Variants in GRM8 observed in about 807,000 individuals in gnomAD.
GRM8 encodes glutamate metabotropic receptor 8.
A neutral mutation model predicts 87.2 loss-of-function variants in GRM8; 47 were observed. The observed-to-expected ratio is 0.54, with a 90% CI of 0.43 to 0.69. GRM8 has a LOEUF of 0.69. GRM8 is among the 30% of genes least tolerant of loss of function. The pLI is 0.00. For synonymous variants in GRM8, 396 were observed against 404.5 expected, an observed-to-expected ratio of 0.98 and a Z score of 0.25; for missense variants, 1,019 against 1,139.2, an observed-to-expected ratio of 0.89 and a Z score of 1.52.
At chr7:126,715,462 GAACTTT>G (rs1241900000) in intron 7 of GRM8, among the ~76,000 whole-genome samples, 1 of 152,106 alleles carries the variant, frequency 6.6e-6, no homozygotes, top group East Asian at 1.9e-4. Flanking sequence ...AAGTTTTGAT[GAACTTT>G]AACTTTTATA....
At chr7:127,186,541 A>T (rs907327950) in intron 2 of GRM8, among the ~76,000 whole-genome samples, 1 of 152,098 alleles carries the variant, frequency 6.6e-6, no homozygotes, top group African/African-American at 2.4e-5. Flanking sequence ...CCAAGTTCCT[A>T]GCAGATAGCC....
At chr7:126,624,043 C>A (rs776197033) in intron 7 of GRM8, among the ~76,000 whole-genome samples, 4 of 152,198 alleles carry the variant, frequency 2.6e-5, no homozygotes, top group Non-Finnish European at 2.9e-5. Flanking sequence ...CTTGCATTAA[C>A]CTTGTCTTGG....
chr7:126,439,984 T>A (rs931147497), intron 10 of GRM8, among the ~76,000 whole-genome samples: 39 of 152,178 alleles, frequency 2.6e-4, no homozygotes, highest in Non-Finnish European at 4.1e-4. Context: ...TGTTTTAAGT[T>A]TTTATTACAA....
At chr7:126,474,266 G>GTATA (rs879780977) in intron 9 of GRM8, among the ~76,000 whole-genome samples, 3 of 149,152 alleles carry the variant, frequency 2.0e-5, no homozygotes, top group African/African-American at 7.3e-5. Flanking sequence ...GTGTGTGTGT[G>GTATA]TGTATATATA....
At chr7:126,755,090 G>A (rs188490831) in intron 7 of GRM8, among the ~76,000 whole-genome samples, 13 of 152,006 alleles carry the variant, frequency 8.6e-5, no homozygotes, top group African/African-American at 2.2e-4. Flanking sequence ...CACATAACCC[G>A]TAAAGGTATA....
intron 3 of GRM8, among the ~76,000 whole-genome samples, chr7:127,006,824 T>C (rs1397801485): frequency 6.6e-6 from 1 of 152,026 alleles, no homozygotes; most frequent in Non-Finnish European, 1.5e-5. Context: ...TTATATGATA[T>C]ATACGCATCC....
chr7:126,638,352 A>G (rs565251234), intron 7 of GRM8, among the ~76,000 whole-genome samples: 3 of 152,212 alleles, frequency 2.0e-5, no homozygotes, highest in Non-Finnish European at 4.4e-5. Flanking sequence ...AAGGCAGAGA[A>G]ATTCCCACTA....
At chr7:127,071,647 C>T (rs960663393) in intron 3 of GRM8, among the ~76,000 whole-genome samples, 1 of 152,120 alleles carries the variant, frequency 6.6e-6, no homozygotes, top group Non-Finnish European at 1.5e-5. Flanking sequence ...TATTTCTCTT[C>T]TTATTTGTAG....
chr7:126,497,245 G>A (rs1173793751), intron 9 of GRM8, among the ~76,000 whole-genome samples: 1 of 151,850 alleles, frequency 6.6e-6, no homozygotes, highest in African/African-American at 2.4e-5. Context: ...ACAGTAATGT[G>A]TACTGTACTA....
At chr7:126,498,044 A>G (rs1465256633) in intron 9 of GRM8, among the ~76,000 whole-genome samples, 2 of 151,964 alleles carry the variant, frequency 1.3e-5, no homozygotes, top group African/African-American at 4.8e-5. Context: ...CTCCTAGAGA[A>G]GAAAAGGATG....
chr7:127,106,749 G>GA, intron 2 of GRM8, 37 bp from the exon 3 acceptor site: 3 of 1,353,498 alleles, frequency 2.2e-6, no homozygotes, highest in Non-Finnish European at 3.2e-6. Context: ...AACCCATGAC[G>GA]AATCTTGAAG....
intron 9 of GRM8, among the ~76,000 whole-genome samples, chr7:126,531,169 T>A (rs988546383): frequency 6.6e-6 from 1 of 152,234 alleles, no homozygotes; most frequent in Non-Finnish European, 1.5e-5. Flanking sequence ...CTATTTATAA[T>A]ATGATAGCCC....
chr7:127,209,286 C>T (rs1404166522), intron 2 of GRM8, among the ~76,000 whole-genome samples: 2 of 152,136 alleles, frequency 1.3e-5, no homozygotes, highest in African/African-American at 2.4e-5. Flanking sequence ...TACTCAAGTA[C>T]GAAATCAGGA....
At position 126,770,072 on chromosome 7, in the gene GRM8, A is replaced by T; in HGVS notation, c.1157-7T>A. 1.3e-6 allele frequency: 2 copies of T among 1,599,696 alleles called. No individual in the cohort carries two copies. Among genetic ancestry groups the T allele is most frequent in the Non-Finnish European group, 1.7e-6 (2 of 1,169,606 alleles). On this transcript the variant is annotated splice_region_variant and splice_polypyrimidine_tract_variant and intron_variant, in intron 6 of 10. Transcript: ENST00000339582. The stretch of plus-strand genomic sequence containing the variant: ...CGAGCAATTCGCTCCAGCCCTGCAA[A>T]ATAAAAAAGTAAAAACCATCAGTTG...
intron 6 of GRM8, among the ~76,000 whole-genome samples, chr7:126,828,586 A>G (rs1209764024): frequency 6.6e-6 from 1 of 151,860 alleles, no homozygotes; most frequent in Non-Finnish European, 1.5e-5. Flanking sequence ...TATTGCATCT[A>G]TTTGATTCTT....
intron 3 of GRM8, among the ~76,000 whole-genome samples, chr7:126,949,828 G>A (rs1807940951): frequency 6.6e-6 from 1 of 152,126 alleles, no homozygotes; most frequent in South Asian, 2.1e-4. Context: ...GAGAGCTTTG[G>A]GAGACTTTCC....
intron 7 of GRM8, among the ~76,000 whole-genome samples, chr7:126,700,955 T>C (rs1809855014): frequency 6.6e-6 from 1 of 152,274 alleles, no homozygotes; most frequent in East Asian, 1.9e-4. Context: ...CCATATTGCC[T>C]CATTACTTGA....
At chr7:126,938,393 A>G (rs1806559982) in intron 3 of GRM8, among the ~76,000 whole-genome samples, 1 of 152,208 alleles carries the variant, frequency 6.6e-6, no homozygotes, top group African/African-American at 2.4e-5. Flanking sequence ...GAAGTATTAC[A>G]TTTTGACATC....
intron 7 of GRM8, among the ~76,000 whole-genome samples, chr7:126,712,180 A>G (rs1811173025): frequency 6.6e-6 from 1 of 152,130 alleles, no homozygotes; most frequent in East Asian, 1.9e-4. Flanking sequence ...TAGGGTTATT[A>G]ATTAACCTTA....
Sources: gnomAD v4.1 joint callset for allele counts (sites outside exome capture counted in the v4.1 genomes callset) on GRCh38, gnomAD v4.1.1 for gene constraint, MANE v1.5 for transcripts, NCBI Gene and HGNC (gene_info 2026-07-23, HGNC 2026-07-21) for gene names.